The following FGF12 variants were observed in gnomAD, a reference collection of about 807,000 sequenced individuals.
FGF12 encodes the protein fibroblast growth factor 12B.
A neutral mutation model predicts 23.6 loss-of-function variants in FGF12; 14 were observed. That is an observed-to-expected ratio of 0.59 (90% confidence interval 0.39 to 0.93). The LOEUF is 0.93. FGF12 is among the 40% of genes least tolerant of loss of function. FGF12 has a pLI of 0.00. For missense variants in FGF12, 175 were observed against 217.8 expected (o/e 0.80, Z 1.24); for synonymous variants, 62 against 77.3 (o/e 0.80, Z 1.04).
At chr3:192,207,554 G>C (rs1717717848) in intron 4 of FGF12, among the ~76,000 whole-genome samples, 1 of 152,192 alleles carries the variant, frequency 6.6e-6, no homozygotes, top group Admixed American at 6.5e-5. Flanking sequence ...TGGAGAGTGG[G>C]GAGAAGTGAA....
At chr3:192,680,703 T>C (rs949998230) in intron 2 of FGF12, among the ~76,000 whole-genome samples, 1 of 152,216 alleles carries the variant, frequency 6.6e-6, no homozygotes, top group African/African-American at 2.4e-5. Context: ...AGCATCTACA[T>C]TTATAAATGA....
At chr3:192,207,784 G>A (rs1284447548) in intron 4 of FGF12, among the ~76,000 whole-genome samples, 2 of 152,158 alleles carry the variant, frequency 1.3e-5, no homozygotes, top group Non-Finnish European at 2.9e-5. Context: ...GCATCAGAGT[G>A]GCTGATGAAT....
chr3:192,724,715 T>C (rs1719154276), intron 2 of FGF12, among the ~76,000 whole-genome samples: 1 of 152,202 alleles, frequency 6.6e-6, no homozygotes, highest in Non-Finnish European at 1.5e-5. Context: ...TGATGCAAAG[T>C]TGTAAATAAG....
intron 2 of FGF12, among the ~76,000 whole-genome samples, chr3:192,725,886 A>C (rs1719198443): frequency 6.6e-6 from 1 of 152,230 alleles, no homozygotes; most frequent in Admixed American, 6.5e-5. Flanking sequence ...AAATATACTT[A>C]TAGACATGGA....
At chr3:192,402,977 A>C (rs1720823805) in intron 2 of FGF12, among the ~76,000 whole-genome samples, 1 of 152,220 alleles carries the variant, frequency 6.6e-6, no homozygotes, top group African/African-American at 2.4e-5. Context: ...ATGTCTAACA[A>C]GGCTGTTTTG....
chr3:192,414,772 T>G (rs73064257), intron 2 of FGF12, among the ~76,000 whole-genome samples: 55 of 152,270 alleles, frequency 3.6e-4, no homozygotes, highest in African/African-American at 1.3e-3. Context: ...GAATGCCAAA[T>G]GTACTTCCAT....
intron 4 of FGF12, among the ~76,000 whole-genome samples, chr3:192,290,452 G>A (rs541872663): frequency 6.6e-6 from 1 of 152,272 alleles, no homozygotes; most frequent in Admixed American, 6.5e-5. Flanking sequence ...AGTGAAAGAA[G>A]GGGAAGTTGT....
chr3:192,261,568 C>T (rs1178975050), intron 4 of FGF12, among the ~76,000 whole-genome samples: 1 of 152,178 alleles, frequency 6.6e-6, no homozygotes, highest in Non-Finnish European at 1.5e-5. Flanking sequence ...GTCTGTAGAG[C>T]TGTGGAGATG....
intron 2 of FGF12, among the ~76,000 whole-genome samples, chr3:192,494,881 G>A (rs2108828667): frequency 6.6e-6 from 1 of 151,746 alleles, no homozygotes; most frequent in South Asian, 2.1e-4. Flanking sequence ...TTCTTTTTGA[G>A]ATGGAGTCTT....
chr3:192,649,970 G>A (rs557050186), intron 2 of FGF12, among the ~76,000 whole-genome samples: 1 of 152,138 alleles, frequency 6.6e-6, no homozygotes, highest in Admixed American at 6.6e-5. Context: ...CAGCTTCAGG[G>A]GATAAGTTGG....
At chr3:192,521,274 CT>C (rs1724805200) in intron 2 of FGF12, 1 of 152,062 alleles carries the variant, frequency 6.6e-6, no homozygotes, top group African/African-American at 2.4e-5. Flanking sequence ...GAACTTTTTT[CT>C]TATCTTCAAA....
At chr3:192,150,556 C>T (rs1199069981) in intron 5 of FGF12, among the ~76,000 whole-genome samples, 1 of 145,756 alleles carries the variant, frequency 6.9e-6, no homozygotes, top group African/African-American at 2.5e-5. Context: ...TTCCCAGCAC[C>T]ATTTATTAAA....
At chr3:192,252,909 C>A (rs1238321279) in intron 4 of FGF12, among the ~76,000 whole-genome samples, 1 of 152,034 alleles carries the variant, frequency 6.6e-6, no homozygotes, top group African/African-American at 2.4e-5. Context: ...TCATTATACC[C>A]TGGGGGAACT....
chr3:192,531,827 G>A (rs1217433990), intron 2 of FGF12, among the ~76,000 whole-genome samples: 1 of 152,192 alleles, frequency 6.6e-6, no homozygotes, highest in Non-Finnish European at 1.5e-5. Context: ...CTTAGGAGGT[G>A]TTAATCTGAT....
At chr3:192,700,399 A>G (rs900327750) in intron 2 of FGF12, among the ~76,000 whole-genome samples, 1 of 152,220 alleles carries the variant, frequency 6.6e-6, no homozygotes, top group African/African-American at 2.4e-5. Flanking sequence ...TTAGAATTTT[A>G]CTTAGCAATA....
intron 4 of FGF12, among the ~76,000 whole-genome samples, chr3:192,224,247 GTGA>G (rs199986177): frequency 6.6e-6 from 1 of 152,034 alleles, no homozygotes; most frequent in South Asian, 2.1e-4. Flanking sequence ...GATGATAGTG[GTGA>G]TGATGATGAT....
intron 2 of FGF12, among the ~76,000 whole-genome samples, chr3:192,365,262 T>TAA (rs5855420): frequency 7.0e-6 from 1 of 141,954 alleles, no homozygotes; most frequent in African/African-American, 2.6e-5. Flanking sequence ...AGTAAAAAAT[T>TAA]AAAAAAAAAA....
intron 2 of FGF12, among the ~76,000 whole-genome samples, chr3:192,396,861 G>A (rs568101357): frequency 6.6e-6 from 1 of 152,300 alleles, no homozygotes; most frequent in South Asian, 2.1e-4. Context: ...TGTAATTGCT[G>A]AGCATGAAAA....
chr3:192,450,525 T>A (rs1005622586), intron 2 of FGF12, among the ~76,000 whole-genome samples: 19 of 152,168 alleles, frequency 1.2e-4, no homozygotes, highest in African/African-American at 4.6e-4. Context: ...TTTGATGAAA[T>A]AAACTATACA....
Sources: allele counts gnomAD v4.1 joint callset (sites outside exome capture counted in the v4.1 genomes callset), GRCh38; gene constraint gnomAD v4.1.1; transcripts MANE v1.5; gene names NCBI Gene and HGNC (gene_info 2026-07-23, HGNC 2026-07-21).